Variants in TMEM117 observed in about 807,000 individuals in gnomAD.
TMEM117 encodes the protein transmembrane protein 117.
Under a neutral mutation model 52.4 loss-of-function variants are expected in TMEM117, and 27 were observed. The ratio of observed to expected loss-of-function variants is 0.51; its 90% confidence interval spans 0.38 to 0.71. TMEM117 has a LOEUF of 0.71. Ranked by LOEUF, TMEM117 falls within the 30% of genes least tolerant of loss-of-function variation. The probability of loss-of-function intolerance (pLI) is 0.00; values close to 1 mark genes in which losing one functional copy is unlikely to be tolerated. For synonymous variants in TMEM117, 215 were observed against 206.3 expected (o/e 1.04, Z -0.36); for missense variants, 556 against 630.5 (o/e 0.88, Z 1.26).
intron 5 of TMEM117, among the ~76,000 whole-genome samples, chr12:44,275,378 A>G (rs750295206): frequency 7.9e-5 from 12 of 152,162 alleles, no homozygotes; most frequent in Non-Finnish European, 1.2e-4. Context: ...GTTATGGAGA[A>G]CAGTTTGGAG....
At chr12:43,985,908 G>C (rs746789165) in intron 3 of TMEM117, among the ~76,000 whole-genome samples, 1 of 152,256 alleles carries the variant, frequency 6.6e-6, no homozygotes, top group Non-Finnish European at 1.5e-5. Context: ...TATGTTTGTT[G>C]GTTCAACAAT....
At chr12:43,856,910 C>T (rs1479525409) in intron 2 of TMEM117, among the ~76,000 whole-genome samples, 2 of 152,062 alleles carry the variant, frequency 1.3e-5, no homozygotes, top group Non-Finnish European at 2.9e-5. Flanking sequence ...AAAAAATTCC[C>T]AGGAACACCC....
intron 5 of TMEM117, among the ~76,000 whole-genome samples, chr12:44,213,309 C>T (rs1001482259): frequency 3.3e-5 from 5 of 152,156 alleles, no homozygotes; most frequent in Non-Finnish European, 7.3e-5. Context: ...ACAAAAGATA[C>T]ATCAGTGTGC....
intron 2 of TMEM117, among the ~76,000 whole-genome samples, chr12:43,870,653 T>G (rs2137426041): frequency 6.6e-6 from 1 of 152,242 alleles, no homozygotes; most frequent in East Asian, 1.9e-4. Flanking sequence ...GATTGCTGGG[T>G]TGAGTGGTAT....
intron 5 of TMEM117, among the ~76,000 whole-genome samples, chr12:44,233,663 T>C (rs923101982): frequency 6.6e-5 from 10 of 151,434 alleles, no homozygotes; most frequent in African/African-American, 2.4e-4. Context: ...TTAAAAATAT[T>C]TTATTGTATC....
intron 2 of TMEM117, among the ~76,000 whole-genome samples, chr12:43,922,141 G>C (rs1401966368): frequency 1.3e-5 from 2 of 152,068 alleles, no homozygotes; most frequent in Non-Finnish European, 2.9e-5. Context: ...ACAAACTGTG[G>C]TTTCTCTTAA....
chr12:44,165,702 A>G (rs1948957233), intron 4 of TMEM117, among the ~76,000 whole-genome samples: 1 of 152,192 alleles, frequency 6.6e-6, no homozygotes, highest in Non-Finnish European at 1.5e-5. Flanking sequence ...TGCACCTAAC[A>G]CTGGAGCATC....
intron 3 of TMEM117, among the ~76,000 whole-genome samples, chr12:43,991,491 T>C (rs375552729): frequency 2.3e-4 from 35 of 152,172 alleles, no homozygotes; most frequent in African/African-American, 8.2e-4. Flanking sequence ...TCTCTGTCTA[T>C]CTATCTGTCC....
intron 3 of TMEM117, among the ~76,000 whole-genome samples, chr12:44,069,297 A>G (rs1947266295): frequency 6.6e-6 from 1 of 152,234 alleles, no homozygotes; most frequent in Non-Finnish European, 1.5e-5. Context: ...TAAAAAGGTT[A>G]TAGACTAGTA....
intron 3 of TMEM117, among the ~76,000 whole-genome samples, chr12:44,142,038 G>C (rs1379761744): frequency 6.6e-6 from 1 of 152,070 alleles, no homozygotes; most frequent in African/African-American, 2.4e-5. Context: ...AAATTTCTGC[G>C]TTTGTGAGTC....
chr12:44,226,409 T>C (rs1236651986), intron 5 of TMEM117, among the ~76,000 whole-genome samples: 1 of 152,184 alleles, frequency 6.6e-6, no homozygotes, highest in Non-Finnish European at 1.5e-5. Context: ...CCATTAGACC[T>C]CTGGGTTCAG....
At chr12:43,915,458 C>G (rs1944585217) in intron 2 of TMEM117, among the ~76,000 whole-genome samples, 1 of 152,142 alleles carries the variant, frequency 6.6e-6, no homozygotes, top group Non-Finnish European at 1.5e-5. Context: ...CTGACCTTGT[C>G]CAGTCCACAC....
In TMEM117 at chr12:44,011,735, G is replaced by C. The variant is rs532161469; in HGVS notation, c.410+67393G>C. Among the ~76,000 whole-genome samples the C allele has an allele frequency of 2.0e-4, 31 of 152,100 alleles. No homozygotes were observed. The South Asian group carries it at 3.3e-3, about 16-fold the overall frequency. ...ATAGTAAGATATTAATAATATTAAT[G>C]AAATAGAATAATTACAACAATATAC... is the stretch of plus-strand genomic sequence containing the variant. On this transcript the variant is annotated intron_variant, in intron 3 of 7. Transcript: ENST00000266534.
the TMEM117 span, among the ~76,000 whole-genome samples, chr12:43,816,580 G>A: frequency 6.6e-6 from 1 of 152,336 alleles, no homozygotes; most frequent in South Asian, 2.1e-4. Context: ...AAACACTGGA[G>A]AGATGGTCGA....
chr12:43,975,543 C>T (rs1401997717), intron 3 of TMEM117, among the ~76,000 whole-genome samples: 1 of 152,186 alleles, frequency 6.6e-6, no homozygotes, highest in Non-Finnish European at 1.5e-5. Flanking sequence ...GATATCATGT[C>T]AGGCAGAGTC....
At chr12:44,300,973 T>C (rs1469047240) in intron 6 of TMEM117, among the ~76,000 whole-genome samples, 1 of 152,190 alleles carries the variant, frequency 6.6e-6, no homozygotes, top group Non-Finnish European at 1.5e-5. Context: ...GCATTACTTA[T>C]ATAAAGGCTA....
At position 44,359,386 on chromosome 12, in the gene TMEM117, A is replaced by G. The variant is rs555374735; in HGVS notation, c.769-17209A>G. On this transcript the variant is annotated intron_variant, in intron 6 of 7. Transcript: ENST00000266534. ...AATAATAAAACTAATTTGATATATT[A>G]CCTTATGTCTTTTTGTTTTGCTTTT... Among the ~76,000 whole-genome samples, 17 of 152,200 alleles carry G rather than the reference A, an allele frequency of 1.1e-4. No individual in the cohort carries two copies. The South Asian group carries it at 3.1e-3, about 28-fold the overall frequency.
chr12:43,989,822 T>C (rs944950218), intron 3 of TMEM117, among the ~76,000 whole-genome samples: 1 of 152,144 alleles, frequency 6.6e-6, no homozygotes, highest in African/African-American at 2.4e-5. Flanking sequence ...TCTGGAGTAA[T>C]TGATCTTCAT....
At chr12:44,092,801 G>C (rs1193391414) in intron 3 of TMEM117, among the ~76,000 whole-genome samples, 2 of 152,096 alleles carry the variant, frequency 1.3e-5, no homozygotes, top group African/African-American at 4.8e-5. Flanking sequence ...TCTGCCAGGG[G>C]GTGAACCATA....
Sources: gnomAD v4.1 joint callset for allele counts (sites outside exome capture counted in the v4.1 genomes callset) on GRCh38, gnomAD v4.1.1 for gene constraint, MANE v1.5 for transcripts, NCBI Gene and HGNC (gene_info 2026-07-23, HGNC 2026-07-21) for gene names.